Variants in ANO9 observed in about 807,000 individuals in gnomAD.
ANO9 encodes the protein anoctamin 9.
Under a neutral mutation model 100.5 loss-of-function variants are expected in ANO9, and 80 were observed. That is an observed-to-expected ratio of 0.80 (90% confidence interval 0.66 to 0.96). The LOEUF (loss-of-function observed/expected upper bound fraction) is 0.96, where lower values mean the gene tolerates loss of function less well. Ranked by LOEUF, ANO9 falls within the 40% of genes least tolerant of loss-of-function variation. ANO9 has a pLI of 0.00. For synonymous variants in ANO9, 473 were observed against 435.6 expected (o/e 1.09, Z -1.07); for missense variants, 1,064 against 1,072.7 (o/e 0.99, Z 0.11).
At chr11:433,175 T>C in intron 4 of ANO9, 139 bp downstream of exon 4, 1 of 1,199,980 alleles carries the variant, frequency 8.3e-7, no homozygotes, top group Non-Finnish European at 1.1e-6. Context: ...GTCTCACACC[T>C]GTGGCCCCTG....
intron 8 of ANO9, 35 bp downstream of exon 8, chr11:430,234 C>A (rs1380005573): frequency 1.3e-6 from 2 of 1,551,956 alleles, no homozygotes; most frequent in South Asian, 1.2e-5. Context: ...AGGGCCCACC[C>A]CGGCCCCCCA....
At chr11:441,797 G>A in intron 1 of ANO9, 124 bp downstream of exon 1, 1 of 1,404,998 alleles carries the variant, frequency 7.1e-7, no homozygotes, top group Non-Finnish European at 9.4e-7. Flanking sequence ...CAGCCTGCAG[G>A]GACCCCCCCC....
chr11:422,321 C>T lies in ANO9; in HGVS notation c.1335-1123G>A, dbSNP rs1848244720. Among the ~76,000 whole-genome samples the T allele has an allele frequency of 6.6e-6, 1 of 152,240 alleles. No individual in the cohort carries two copies. Among genetic ancestry groups the T allele is most frequent in the African/African-American group, 2.4e-5 (1 of 41,454 alleles). ...TCAGAGCGATGGGCCGCAAAGACGTCCACGTGCTCATTCTTGGAGCCTGTG... is the reference window on the plus strand; with the variant it reads ...TCAGAGCGATGGGCCGCAAAGACGTTCACGTGCTCATTCTTGGAGCCTGTG... On this transcript the variant is annotated intron_variant, in intron 15 of 22. Coordinates refer to ENST00000332826, the MANE Select transcript of ANO9 (RefSeq NM_001012302.3). This position sits in a 1 kb window ranked among gnomAD's most constrained non-coding sequence, Gnocchi z 4.3.
Position 442,009 on chromosome 11 carries a change from C to A in ANO9, c.-83G>T, listed in dbSNP as rs559685739. On this transcript the variant is annotated 5_prime_UTR_variant, in exon 1 of 23. Coordinates refer to ENST00000332826, the MANE Select transcript of ANO9 (RefSeq NM_001012302.3). Reference sequence around the variant, plus strand: ...GGCGGGTGCTCCTACCTGACTTCCGCGTGGGGCTCGCCCCTCCCTCCTCCT... The same window carrying A: ...GGCGGGTGCTCCTACCTGACTTCCGAGTGGGGCTCGCCCCTCCCTCCTCCT... 1.3e-6 allele frequency: 2 copies of A among 1,555,194 alleles called. No homozygotes were observed. The highest frequency in any genetic ancestry group is 1.7e-6 in the Non-Finnish European group (2 of 1,155,392).
intron 1 of ANO9, among the ~76,000 whole-genome samples, chr11:441,099 G>A (rs924186419): frequency 6.6e-6 from 1 of 152,202 alleles, no homozygotes; most frequent in East Asian, 1.9e-4. Context: ...CCTGGATGTG[G>A]AGGGCCGAGG....
intron 4 of ANO9, 89 bp downstream of exon 4, chr11:433,225 G>C: frequency 6.6e-7 from 1 of 1,509,796 alleles, no homozygotes; most frequent in South Asian, 1.3e-5. Flanking sequence ...GCGACGCCTG[G>C]AGCCTGGCAC....
intron 7 of ANO9, among the ~76,000 whole-genome samples, chr11:431,358 T>C (rs1590477701): frequency 1.4e-5 from 1 of 73,530 alleles, no homozygotes; most frequent in Non-Finnish European, 2.5e-5. Context: ...TCTGGGGGCG[T>C]CTGCGGGGGT....
At chr11:433,554 C>CCCCCGTCTATTCCACCTCAGAACCCTT (rs1849205933) in intron 3 of ANO9, 95 bp from the exon 4 acceptor site, 1 of 1,468,148 alleles carries the variant, frequency 6.8e-7, no homozygotes, top group South Asian at 1.2e-5. Flanking sequence ...TCAGAACCCT[C>CCCCCGTCTATTCCACCTCAGAACCCTT]CCCCCTCTAT....
chr11:433,133 G>T, intron 4 of ANO9, 181 bp downstream of exon 4: 1 of 760,964 alleles, frequency 1.3e-6, no homozygotes, highest in Non-Finnish European at 2.0e-6. Context: ...CCTTTAATGG[G>T]ATGGGGAAGC....
chr11:419,003 AG>A lies in ANO9; in HGVS notation c.1935-15del. Reference sequence around the variant, plus strand: ...CCCTTGAGGCAGCTGGGGAGAGGGGAGAGGAGTGTGGGGTGGGGTGGGCTTC... The same window carrying A: ...CCCTTGAGGCAGCTGGGGAGAGGGGAAGGAGTGTGGGGTGGGGTGGGCTTC... On this transcript the variant is annotated splice_polypyrimidine_tract_variant and intron_variant, in intron 20 of 22. Transcript: ENST00000332826. 1 of 1,503,478 alleles carries A rather than the reference AG, an allele frequency of 6.7e-7. No homozygotes were observed. Among genetic ancestry groups the A allele is most frequent in the Non-Finnish European group, 9.1e-7 (1 of 1,103,640 alleles). 93.1% of individuals were successfully genotyped at this position (1,503,478 alleles called of 1,614,324 possible). A position where few individuals can be genotyped will look rare whatever the true frequency, so the allele number is the denominator to read the frequency against.
rs762035120 is a variant in ANO9, at chr11:434,110, G to A, written c.7-12C>T. 5.8e-6 allele frequency: 9 copies of A among 1,549,776 alleles called. No homozygotes were observed. The South Asian group carries it at 9.5e-5, about 16-fold the overall frequency. On this transcript the variant is annotated splice_polypyrimidine_tract_variant and intron_variant, in intron 1 of 22. Coordinates refer to ENST00000332826, the MANE Select transcript of ANO9 (RefSeq NM_001012302.3). ...AGGCTCTCTTCGCCCTGGGGGTTTG[G>A]GGGCAGAGAAAGGGATAGGAGGATG...
chr11:426,747 T>G (rs1848543504), intron 15 of ANO9, among the ~76,000 whole-genome samples: 1 of 152,086 alleles, frequency 6.6e-6, no homozygotes, highest in Non-Finnish European at 1.5e-5. Context: ...GCCTCGGGAC[T>G]TGGGTACCCC....
At chr11:436,002 A>G (rs1255234836) in intron 1 of ANO9, among the ~76,000 whole-genome samples, 3 of 139,214 alleles carry the variant, frequency 2.2e-5, no homozygotes, top group African/African-American at 8.2e-5. Flanking sequence ...AATGTTGTTT[A>G]TGTGACATTG....
chr11:418,835 G>A (rs1338117972), intron 21 of ANO9, 22 bp from the exon 22 acceptor site: 2 of 1,613,530 alleles, frequency 1.2e-6, no homozygotes, highest in Non-Finnish European at 1.7e-6. Context: ...AAGTACCTGA[G>A]GTCAGGGGTC....
intron 10 of ANO9, 39 bp downstream of exon 10, chr11:429,719 C>T: frequency 6.2e-7 from 1 of 1,612,042 alleles, no homozygotes; most frequent in Non-Finnish European, 8.5e-7. Context: ...TGGGCTGGCA[C>T]TTCCCCTGGC....
intron 15 of ANO9, among the ~76,000 whole-genome samples, chr11:426,706 A>C (rs528063387): frequency 6.6e-6 from 1 of 152,322 alleles, no homozygotes; most frequent in African/African-American, 2.4e-5. Flanking sequence ...ACACTCAGGA[A>C]GCAACCCAGC....
At chr11:438,190 C>T (rs1845523221) in intron 1 of ANO9, among the ~76,000 whole-genome samples, 1 of 152,122 alleles carries the variant, frequency 6.6e-6, no homozygotes, top group East Asian at 1.9e-4. Flanking sequence ...AAGCCCCCAT[C>T]ACTGACGTGG....
Position 429,662 on chromosome 11 carries a change from G to A in ANO9, c.833-10C>T, listed in dbSNP as rs1304007834. On this transcript the variant is annotated splice_polypyrimidine_tract_variant and intron_variant, in intron 10 of 22. Transcript: ENST00000332826. ...TCCAGGAACACCGTGGCTGCGGCGG[G>A]GGCAAGGAGGGGCATCACTGCACTA... is the stretch of plus-strand genomic sequence containing the variant. 1.2e-6 allele frequency: 2 copies of A among 1,612,540 alleles called. No individual in the cohort carries two copies. Among genetic ancestry groups the A allele is most frequent in the Non-Finnish European group, 1.7e-6 (2 of 1,179,844 alleles).
rs201268554 is a variant in ANO9 at position 418,427 on chromosome 11, T to C, written c.2293A>G (p.Met765Val). The stretch of plus-strand genomic sequence containing the variant: ...GATGCTGGGGTGGGATGGGCAGGCA[T>C]TGGGGGCCGAGAGCCTGCCCCCACC... ...GGVGAGSRPP[M>V]PAHPTPASIF... The change falls in exon 23 of 23, where the codon ATG (methionine) becomes GTG (valine). Residue 765 changes from methionine to valine, a missense_variant. Transcript: ENST00000332826. 105 of 1,612,414 alleles carry C rather than the reference T, an allele frequency of 6.5e-5. No homozygotes were observed. The highest frequency in any genetic ancestry group is 4.9e-4 in the East Asian group (22 of 44,860).
Sources: allele counts gnomAD v4.1 joint callset (sites outside exome capture counted in the v4.1 genomes callset), GRCh38; gene constraint gnomAD v4.1.1; non-coding constraint Gnocchi (gnomAD v3.1); transcripts MANE v1.5; gene names NCBI Gene and HGNC (gene_info 2026-07-23, HGNC 2026-07-21).